Variants in TRPM2 observed in about 807,000 individuals in gnomAD.
TRPM2 encodes the protein estrogen-responsive element-associated gene 1 protein.
In TRPM2, 161 loss-of-function variants were observed where a neutral mutation model predicts 174.0. The ratio of observed to expected loss-of-function variants is 0.93; its 90% CI spans 0.81 to 1.05. The LOEUF (loss-of-function observed/expected upper bound fraction) is 1.05. Among genes scored for constraint, TRPM2 ranks in the 50% least tolerant of loss-of-function variants. The pLI is 0.00. For synonymous variants in TRPM2, 954 were observed against 861.3 expected (o/e 1.11, Z -1.88); for missense variants, 2,057 against 2,038.0 (o/e 1.01, Z -0.18).
intron 9 of TRPM2, among the ~76,000 whole-genome samples, chr21:44,383,162 A>G (rs1003099875): frequency 6.6e-6 from 1 of 152,086 alleles, no homozygotes; most frequent in African/African-American, 2.4e-5. Context: ...TAGCTCCTCT[A>G]CCTCTGATGC....
In TRPM2 at chr21:44,375,841, C is replaced by T. The variant is rs557049510; in HGVS notation, c.780C>T (p.Phe260=). The T allele has an allele frequency of 1.2e-4, 194 of 1,611,564 alleles. 2 individuals are homozygous for T. In the South Asian group the frequency reaches 1.9e-3, roughly 16 times the overall value. Residue 260 remains phenylalanine (F), a synonymous_variant, in exon 6 of 32, where the codon TTC becomes TTT. Transcript: ENST00000397928. ...CTTCCTGGCCATCCCAGGGCAGCTT[C>T]CCCGCCGAGTACATACTGGATGAGG... ...REGLIHPTGS[F]PAEYILDEDG...
At chr21:44,407,931 A>T (rs554559512) in intron 19 of TRPM2, among the ~76,000 whole-genome samples, 23 of 148,378 alleles carry the variant, frequency 1.6e-4, no homozygotes, top group Middle Eastern at 3.5e-3. Context: ...TTAATATTTA[A>T]TTTTTTTTTT....
intron 11 of TRPM2, among the ~76,000 whole-genome samples, chr21:44,392,375 C>T (rs1158506856): frequency 3.3e-5 from 5 of 151,790 alleles, no homozygotes; most frequent in Non-Finnish European, 7.4e-5. Flanking sequence ...CTCCTGCCTC[C>T]GTCTCTTGAG....
chr21:44,435,348 G>T (rs1391058569), intron 28 of TRPM2, 131 bp downstream of exon 28: 2 of 889,052 alleles, frequency 2.2e-6, no homozygotes, highest in East Asian at 2.7e-5. Context: ...GGTGCCTACT[G>T]GGGGGATGCG....
At chr21:44,401,949 T>C in intron 16 of TRPM2, 52 bp downstream of exon 16, 1 of 1,601,094 alleles carries the variant, frequency 6.2e-7, no homozygotes, top group Non-Finnish European at 8.5e-7. Flanking sequence ...CCCACTTGGC[T>C]GCATTCTCAT....
chr21:44,426,795 G>A, intron 26 of TRPM2, 59 bp downstream of exon 26: 2 of 1,590,376 alleles, frequency 1.3e-6, no homozygotes, highest in Non-Finnish European at 1.7e-6. Flanking sequence ...CCTCCTAGGG[G>A]CTCCCTTGAG....
At position 44,425,697 on chromosome 21, in the gene TRPM2, A is replaced by C; in HGVS notation, c.3665A>C (p.Asp1222Ala). The change falls in exon 25 of 32, where the codon GAT becomes GCT. Residue 1222 changes from aspartate (D) to alanine (A), a missense_variant. Coordinates refer to ENST00000397928, the MANE Select transcript of TRPM2 (RefSeq NM_003307.4). ...LASQKAAEEPDAEPGGRKKTE... is the reference protein window; with the variant it reads ...LASQKAAEEPAAEPGGRKKTE... ...TCCCAGAAGGCCGCGGAGGAGCCGG[A>C]TGCTGAGCCGGGAGGCAGGAAGAAG... 1 of 1,553,868 alleles carries C rather than the reference A, an allele frequency of 6.4e-7. No homozygotes were observed. Among genetic ancestry groups the C allele is most frequent in the Non-Finnish European group, 8.7e-7 (1 of 1,146,752 alleles).
intron 6 of TRPM2, among the ~76,000 whole-genome samples, chr21:44,377,415 T>C (rs958903729): frequency 7.9e-5 from 12 of 151,666 alleles, no homozygotes; most frequent in African/African-American, 2.9e-4. Context: ...AGCGGGGAAG[T>C]GTGGGTGGCG....
chr21:44,411,269 TC>T (rs915592738), intron 19 of TRPM2, among the ~76,000 whole-genome samples: 1 of 152,210 alleles, frequency 6.6e-6, no homozygotes, highest in African/African-American at 2.4e-5. Flanking sequence ...CTTTAATTTC[TC>T]TCAATAATGT....
chr21:44,375,990 C>T lies in TRPM2; in HGVS notation c.929C>T (p.Ser310Leu), dbSNP rs758202357. The T allele has an allele frequency of 2.6e-5, 42 of 1,613,814 alleles. No homozygotes were observed. Among genetic ancestry groups the T allele is most frequent in the Middle Eastern group, 1.7e-4 (1 of 6,058 alleles). ...PLRTRLEKFI[S>L]EQTKERGGVA... Reference sequence around the variant, plus strand: ...AGGACCAGGCTGGAGAAGTTCATATCGGAGCAGACCAAGGAAAGAGGAGGT... The same window carrying T: ...AGGACCAGGCTGGAGAAGTTCATATTGGAGCAGACCAAGGAAAGAGGAGGT... Residue 310 changes from serine (S) to leucine (L), a missense_variant, in exon 6 of 32, where the codon TCG becomes TTG. By Grantham distance (145) the Ser-to-Leu change is moderately radical. Coordinates refer to ENST00000397928, the MANE Select transcript of TRPM2 (RefSeq NM_003307.4).
chr21:44,408,677 C>T (rs372929567), intron 19 of TRPM2, among the ~76,000 whole-genome samples: 28 of 125,218 alleles, frequency 2.2e-4, no homozygotes, highest in African/African-American at 3.9e-4. Flanking sequence ...TTTTTTTTTC[C>T]GACAGGGTCT....
At chr21:44,352,348 T>G (rs1602105135), upstream of TRPM2, among the ~76,000 whole-genome samples, 1 of 150,674 alleles carries the variant, frequency 6.6e-6, no homozygotes, top group Admixed American at 6.6e-5. Flanking sequence ...GAGGGGGAGG[T>G]GGGGTTGCCT....
Position 44,432,157 on chromosome 21 carries a change from C to T in TRPM2, c.3975-2974C>T, listed in dbSNP as rs2051046501. On this transcript the variant is annotated intron_variant, in intron 27 of 31. Coordinates refer to ENST00000397928, the MANE Select transcript of TRPM2 (RefSeq NM_003307.4). This position sits in a 1 kb window ranked among gnomAD's most constrained non-coding sequence, Gnocchi z 4.9. ...TTTCTATGGCTGTTGTAACTAAGTA[C>T]CACAAACTGGGGGGCTTAACAGAAA... is the stretch of plus-strand genomic sequence containing the variant. Among the ~76,000 whole-genome samples, 1 of 152,174 alleles carries T rather than the reference C, an allele frequency of 6.6e-6. No individual in the cohort carries two copies. Among genetic ancestry groups the T allele is most frequent in the South Asian group, 2.1e-4 (1 of 4,824 alleles).
At chr21:44,351,628 A>G (rs2047926996), upstream of TRPM2, among the ~76,000 whole-genome samples, 1 of 152,216 alleles carries the variant, frequency 6.6e-6, no homozygotes, top group Non-Finnish European at 1.5e-5. Context: ...AACCCCAGAA[A>G]GGGCTGGATG....
intron 27 of TRPM2, among the ~76,000 whole-genome samples, chr21:44,433,553 G>A (rs1227755789): frequency 6.6e-6 from 1 of 152,182 alleles, no homozygotes; most frequent in Non-Finnish European, 1.5e-5. Context: ...GACGGGCTTG[G>A]GGTTGAGGGG....
intron 24 of TRPM2, chr21:44,425,390 C>T (rs576370982): frequency 2.6e-5 from 11 of 431,188 alleles, no homozygotes; most frequent in Middle Eastern, 6.2e-4. Flanking sequence ...TATTTGCCCT[C>T]GTAACCGCAC....
chr21:44,357,286 G>T (rs987670221), intron 2 of TRPM2, among the ~76,000 whole-genome samples: 2 of 152,220 alleles, frequency 1.3e-5, no homozygotes, highest in African/African-American at 4.8e-5. Flanking sequence ...CTTCTCACAT[G>T]GAAGTGGAAA....
chr21:44,375,948 G>A lies in TRPM2; in HGVS notation c.887G>A (p.Gly296Glu), dbSNP rs746851311. The change falls in exon 6 of 32, where the codon GGG becomes GAG. Residue 296 changes from glycine (G) to glutamate (E), a missense_variant. Transcript: ENST00000397928. ...LVDDGTHGQY[G>E]VEIPLRTRLE... ...GACGACGGGACCCACGGCCAGTACG[G>A]GGTGGAGATTCCTCTGAGGACCAGG... The A allele has an allele frequency of 2.5e-6, 4 of 1,614,094 alleles. No individual in the cohort carries two copies. Among genetic ancestry groups the A allele is most frequent in the Non-Finnish European group, 3.4e-6 (4 of 1,180,008 alleles).
chr21:44,417,182 C>T (rs1468630020), intron 20 of TRPM2, among the ~76,000 whole-genome samples: 3 of 122,934 alleles, frequency 2.4e-5, no homozygotes, highest in Admixed American at 8.4e-5. Flanking sequence ...TGTGGCATCA[C>T]AGTGGGCACG....
Sources: gnomAD v4.1 joint callset for allele counts (sites outside exome capture counted in the v4.1 genomes callset) on GRCh38, gnomAD v4.1.1 for gene constraint, Gnocchi (gnomAD v3.1) non-coding constraint, MANE v1.5 for transcripts, NCBI Gene and HGNC (gene_info 2026-07-23, HGNC 2026-07-21) for gene names.